FABP12: variants seen among roughly 807,000 people sequenced by gnomAD.
The protein encoded by FABP12 is fatty acid-binding protein 12.
FABP12 carries 19 observed loss-of-function variants against 13.7 expected under a neutral mutation model. That is an observed-to-expected ratio of 1.39 (90% CI 0.97 to 2.04). FABP12 has a LOEUF of 2.04. Ranked by LOEUF, FABP12 falls within the 30% of genes most tolerant of loss-of-function variation. The probability of loss-of-function intolerance (pLI) is 0.00; values close to 1 mark genes in which losing one functional copy is unlikely to be tolerated. For synonymous variants in FABP12, 61 were observed against 57.0 expected (o/e 1.07, Z -0.32); for missense variants, 182 against 164.2 (o/e 1.11, Z -0.59).
intron 1 of FABP12, among the ~76,000 whole-genome samples, chr8:81,576,853 C>G (rs578124769): frequency 1.6e-4 from 24 of 152,188 alleles, no homozygotes; most frequent in African/African-American, 5.8e-4. Flanking sequence ...CAAGCTTTAT[C>G]TAGTCATTTT....
At chr8:81,532,921 G>A (rs1258480054) in intron 1 of FABP12, 1 of 152,238 alleles carries the variant, frequency 6.6e-6, no homozygotes, top group African/African-American at 2.4e-5. Context: ...CAACTTAATA[G>A]GCATGAGGCT....
At chr8:81,556,106 T>C (rs560695125) in intron 1 of FABP12, among the ~76,000 whole-genome samples, 2 of 152,302 alleles carry the variant, frequency 1.3e-5, no homozygotes, top group South Asian at 4.1e-4. Context: ...TCACAATATC[T>C]ATATAAATAA....
intron 1 of FABP12, among the ~76,000 whole-genome samples, chr8:81,566,638 CAT>C (rs1450837464): frequency 2.6e-5 from 4 of 151,296 alleles, no homozygotes; most frequent in African/African-American, 9.7e-5. Context: ...CCAAAAAAAC[CAT>C]ATATAGATGG....
chr8:81,542,492 C>T (rs1025367851), intron 1 of FABP12, among the ~76,000 whole-genome samples: 5 of 152,078 alleles, frequency 3.3e-5, no homozygotes, highest in East Asian at 1.9e-4. Context: ...CTACAAGGAC[C>T]CGAAAGCTAG....
At chr8:81,554,681 C>A (rs76070823) in intron 1 of FABP12, among the ~76,000 whole-genome samples, 2,454 of 152,170 alleles carry the variant, frequency 0.016, 66 homozygotes, top group African/African-American at 0.057. Flanking sequence ...AGAACAAGAA[C>A]CAACCTTGAA....
chr8:81,568,645 G>T (rs1015382959), intron 1 of FABP12, among the ~76,000 whole-genome samples: 2 of 151,868 alleles, frequency 1.3e-5, no homozygotes, highest in African/African-American at 2.4e-5. Context: ...GCCCAAAATA[G>T]AGGAAATCAG....
At chr8:81,565,003 C>T (rs1809791415) in intron 1 of FABP12, among the ~76,000 whole-genome samples, 1 of 151,508 alleles carries the variant, frequency 6.6e-6, no homozygotes. Context: ...AACAATCATA[C>T]CAATGGAAAC....
At chr8:81,555,892 C>G (rs992053257) in intron 1 of FABP12, among the ~76,000 whole-genome samples, 3 of 150,994 alleles carry the variant, frequency 2.0e-5, no homozygotes, top group Non-Finnish European at 3.0e-5. Context: ...ATTTTTTTTT[C>G]TTTTTAGAAA....
chr8:81,539,236 T>A (rs73277212), intron 2 of FABP12, among the ~76,000 whole-genome samples: 2,413 of 152,096 alleles, frequency 0.016, 60 homozygotes, highest in African/African-American at 0.055. Flanking sequence ...ACAGAATTGT[T>A]TTTTGTCAGT....
At chr8:81,525,208 A>G in intron 4 of FABP12, 88 bp from the exon 5 acceptor site, 3 of 842,040 alleles carry the variant, frequency 3.6e-6, no homozygotes, top group Non-Finnish European at 3.8e-6. Context: ...ATCCACACAT[A>G]CATTCCTTAA....
At chr8:81,583,508 G>A (rs547083547) in intron 1 of FABP12, among the ~76,000 whole-genome samples, 39 of 152,046 alleles carry the variant, frequency 2.6e-4, no homozygotes, top group African/African-American at 8.9e-4. Flanking sequence ...TGAAAAAGGA[G>A]ACATTATAAC....
intron 1 of FABP12, among the ~76,000 whole-genome samples, chr8:81,572,995 T>C (rs758663086): frequency 3.9e-5 from 6 of 152,252 alleles, no homozygotes; most frequent in African/African-American, 7.2e-5. Flanking sequence ...GCATTTGCTT[T>C]TGTGTTCTTG....
chr8:81,574,521 G>A (rs572381722), intron 1 of FABP12, among the ~76,000 whole-genome samples: 57 of 152,084 alleles, frequency 3.7e-4, no homozygotes, highest in Non-Finnish European at 6.6e-4. Flanking sequence ...AGTGTCAATA[G>A]GATCGGTACC....
At chr8:81,558,887 CAAAAA>C (rs35682824) in intron 1 of FABP12, among the ~76,000 whole-genome samples, 1 of 67,530 alleles carries the variant, frequency 1.5e-5, no homozygotes, top group Non-Finnish European at 3.0e-5. Flanking sequence ...AAGGCTCCAT[CAAAAA>C]AAAAAAAAAA....
chr8:81,570,804 T>G (rs527563550), intron 1 of FABP12, among the ~76,000 whole-genome samples: 1 of 152,174 alleles, frequency 6.6e-6, no homozygotes, highest in South Asian at 2.1e-4. Flanking sequence ...GGGGAGGAAG[T>G]GCGCACCAAT....
At chr8:81,564,540 A>G (rs1006517056) in intron 1 of FABP12, among the ~76,000 whole-genome samples, 8 of 152,100 alleles carry the variant, frequency 5.3e-5, no homozygotes, top group Non-Finnish European at 1.2e-4. Context: ...TCAAAAGTAC[A>G]AAGACAAATG....
chr8:81,532,745 C>T (rs964933536), intron 1 of FABP12, among the ~76,000 whole-genome samples: 1 of 152,228 alleles, frequency 6.6e-6, no homozygotes, highest in East Asian at 1.9e-4. Context: ...CACTTGAACC[C>T]AGGAAGCAGA....
At chr8:81,544,874 A>T (rs1441989788) in intron 1 of FABP12, among the ~76,000 whole-genome samples, 1 of 152,226 alleles carries the variant, frequency 6.6e-6, no homozygotes, top group Non-Finnish European at 1.5e-5. Context: ...GAGAGGTAAA[A>T]GTAATTTTCT....
At chr8:81,548,148 A>G (rs1013127821) in intron 1 of FABP12, among the ~76,000 whole-genome samples, 32 of 152,200 alleles carry the variant, frequency 2.1e-4, no homozygotes, top group African/African-American at 7.7e-4. Flanking sequence ...TCTAAAACAT[A>G]CTGGTGCCCA....
Sources: allele counts gnomAD v4.1 joint callset (sites outside exome capture counted in the v4.1 genomes callset), GRCh38; gene constraint gnomAD v4.1.1; transcripts MANE v1.5; gene names NCBI Gene and HGNC (gene_info 2026-07-23, HGNC 2026-07-21).